DISP1: variants seen among roughly 807,000 people sequenced by gnomAD.
DISP1 encodes protein dispatched homolog 1.
A neutral mutation model predicts 37.3 loss-of-function variants in DISP1; 30 were observed. The observed-to-expected ratio is 0.80, with a 90% CI of 0.60 to 1.09. The LOEUF (loss-of-function observed/expected upper bound fraction) is 1.09, where lower values mean the gene tolerates loss of function less well. Among genes scored for constraint, DISP1 ranks in the 50% least tolerant of loss-of-function variants. The pLI is 0.00. For synonymous variants in DISP1, 634 were observed against 690.2 expected (o/e 0.92, Z 1.28); for missense variants, 1,598 against 1,879.5 (o/e 0.85, Z 2.77).
intron 1 of DISP1, among the ~76,000 whole-genome samples, chr1:222,853,368 A>G (rs1344072600): frequency 2.0e-5 from 3 of 152,208 alleles, no homozygotes; most frequent in Non-Finnish European, 4.4e-5. Flanking sequence ...AAATAGTACT[A>G]CCATCTGATC....
chr1:222,952,052 AGATT>A (rs1478033422), intron 3 of DISP1, among the ~76,000 whole-genome samples: 1 of 152,228 alleles, frequency 6.6e-6, no homozygotes, highest in African/African-American at 2.4e-5. Flanking sequence ...TACCATTGAA[AGATT>A]GATTACTAAT....
Position 222,984,435 on chromosome 1 carries a change from T to TAGAGAGAG in DISP1, c.539+1343_539+1350dup, listed in dbSNP as rs369654102. Among the ~76,000 whole-genome samples, 988 of 108,338 alleles carry TAGAGAGAG rather than the reference T, an allele frequency of 9.1e-3. 34 individuals carry two copies. Among genetic ancestry groups the TAGAGAGAG allele is most frequent in the Admixed American group, 0.017 (175 of 10,020 alleles). The allele number at this position is 108,338 out of a possible 152,430, so 71.1% of individuals were successfully genotyped here. The stretch of plus-strand genomic sequence containing the variant: ...AAAAAAAAAAAAATATATATATATA[T>TAGAGAGAG]AGAGAGAGAGAGAGAGAGAGAGAGC... On this transcript the variant is annotated intron_variant, in intron 4 of 8. Transcript: ENST00000675850.
At chr1:222,838,100 G>A (rs1240494164) in intron 1 of DISP1, among the ~76,000 whole-genome samples, 1 of 151,950 alleles carries the variant, frequency 6.6e-6, no homozygotes, top group African/African-American at 2.4e-5. Context: ...TACTAATAAG[G>A]CAAAGGAAGA....
At chr1:222,839,977 T>TCCAG (rs1667489254) in intron 1 of DISP1, among the ~76,000 whole-genome samples, 4 of 151,896 alleles carry the variant, frequency 2.6e-5, no homozygotes, top group African/African-American at 9.7e-5. Flanking sequence ...TGAAGCCTAA[T>TCCAG]CTAGCCTGTC....
intron 1 of DISP1, among the ~76,000 whole-genome samples, chr1:222,873,684 G>C (rs995306989): frequency 1.2e-4 from 19 of 152,180 alleles, no homozygotes; most frequent in Non-Finnish European, 2.2e-4. Context: ...ACGTGAGATG[G>C]GTTTCCTGAA....
At chr1:222,991,913 T>C in intron 6 of DISP1, 100 bp from the exon 7 acceptor site, 1 of 956,798 alleles carries the variant, frequency 1.0e-6, no homozygotes, top group Non-Finnish European at 1.7e-6. Context: ...TATCAAGGAC[T>C]AAGCAGGTCA....
intron 3 of DISP1, among the ~76,000 whole-genome samples, chr1:222,969,359 A>C (rs1286551858): frequency 1.2e-5 from 1 of 80,382 alleles, no homozygotes; most frequent in East Asian, 3.2e-4. Context: ...AAAAAGAGTG[A>C]AACTTGGTCT....
At chr1:222,829,558 G>T (rs1361355140) in intron 1 of DISP1, among the ~76,000 whole-genome samples, 1 of 151,406 alleles carries the variant, frequency 6.6e-6, no homozygotes, top group Non-Finnish European at 1.5e-5. Context: ...CGATTCTTCT[G>T]CCTCTTGAGT....
At chr1:222,969,956 T>C (rs996008801) in intron 3 of DISP1, among the ~76,000 whole-genome samples, 2 of 152,218 alleles carry the variant, frequency 1.3e-5, no homozygotes, top group South Asian at 2.1e-4. Flanking sequence ...TATTTTAGAA[T>C]AGACAAAACA....
intron 3 of DISP1, among the ~76,000 whole-genome samples, chr1:222,971,971 T>G (rs959351123): frequency 5.9e-5 from 9 of 152,128 alleles, no homozygotes; most frequent in Admixed American, 4.6e-4. Context: ...AGTTCCAAAA[T>G]GTACTTATAA....
chr1:222,964,978 A>C (rs752328181), intron 3 of DISP1, among the ~76,000 whole-genome samples: 9 of 151,888 alleles, frequency 5.9e-5, no homozygotes, highest in Non-Finnish European at 1.2e-4. Flanking sequence ...TAGTCCTCAC[A>C]GCTAACTCCC....
chr1:222,863,656 T>C (rs1431048219), intron 1 of DISP1, among the ~76,000 whole-genome samples: 1 of 152,198 alleles, frequency 6.6e-6, no homozygotes, highest in African/African-American at 2.4e-5. Flanking sequence ...CATTTATTAG[T>C]TGGCATTTTA....
intron 3 of DISP1, among the ~76,000 whole-genome samples, chr1:222,982,406 G>A (rs1677897099): frequency 1.3e-5 from 2 of 152,108 alleles, no homozygotes; most frequent in Admixed American, 6.5e-5. Context: ...CAGTAAATAG[G>A]AAAAAAATAA....
At chr1:222,983,023 A>G in intron 3 of DISP1, 57 bp from the exon 4 acceptor site, 1 of 1,294,178 alleles carries the variant, frequency 7.7e-7, no homozygotes, top group Non-Finnish European at 1.1e-6. Flanking sequence ...TGTTTATGTT[A>G]TGATGTTTAT....
intron 1 of DISP1, among the ~76,000 whole-genome samples, chr1:222,903,672 A>G (rs1671741475): frequency 6.6e-6 from 1 of 152,136 alleles, no homozygotes; most frequent in Admixed American, 6.5e-5. Context: ...TGGCTTTGTG[A>G]TCACTGTTTA....
chr1:222,850,435 A>C, intron 1 of DISP1, among the ~76,000 whole-genome samples: 1 of 149,064 alleles, frequency 6.7e-6, no homozygotes, highest in Admixed American at 6.7e-5. Context: ...TTTTTTTCCC[A>C]CTGTATTTTA....
At chr1:222,989,855 T>C (rs1572711240) in intron 4 of DISP1, among the ~76,000 whole-genome samples, 1 of 151,366 alleles carries the variant, frequency 6.6e-6, no homozygotes, top group East Asian at 1.9e-4. Context: ...CAGGCTGGAG[T>C]GCAGTGGCAT....
intron 1 of DISP1, among the ~76,000 whole-genome samples, chr1:222,884,332 A>G (rs1422268133): frequency 2.0e-5 from 3 of 152,112 alleles, no homozygotes; most frequent in Non-Finnish European, 4.4e-5. Flanking sequence ...ACTTCTATTA[A>G]TTTCAATTTT....
intron 1 of DISP1, among the ~76,000 whole-genome samples, chr1:222,834,883 G>T (rs568314883): frequency 1.0e-3 from 152 of 152,222 alleles, no homozygotes; most frequent in African/African-American, 3.6e-3. Context: ...TTGCAGAGTT[G>T]TTGTTAGGAT....
Sources: allele counts gnomAD v4.1 joint callset (sites outside exome capture counted in the v4.1 genomes callset), GRCh38; gene constraint gnomAD v4.1.1; transcripts MANE v1.5; gene names NCBI Gene and HGNC (gene_info 2026-07-23, HGNC 2026-07-21).